Variants in MAD1L1 observed in about 807,000 individuals in gnomAD.
MAD1L1 encodes the protein mitotic spindle assembly checkpoint protein MAD1.
MAD1L1 carries 95 observed loss-of-function variants against 96.9 expected under a neutral mutation model. That is an observed-to-expected ratio of 0.98 (90% confidence interval 0.83 to 1.16). MAD1L1 has a LOEUF of 1.16. MAD1L1 is among the 50% of genes most tolerant of loss of function. MAD1L1 has a pLI of 0.00. For missense variants in MAD1L1, 1,007 were observed against 954.4 expected (o/e 1.06, Z -0.73); for synonymous variants, 473 against 396.6 (o/e 1.19, Z -2.29).
intron 16 of MAD1L1, among the ~76,000 whole-genome samples, chr7:1,950,116 G>T (rs1779421335): frequency 6.6e-6 from 1 of 152,198 alleles, no homozygotes; most frequent in Non-Finnish European, 1.5e-5. Context: ...CGTGGGCCAG[G>T]CGTGCATGCC....
At chr7:2,018,200 CGTAACTAGATGTGT>C (rs1053398918) in intron 12 of MAD1L1, among the ~76,000 whole-genome samples, 13 of 152,242 alleles carry the variant, frequency 8.5e-5, no homozygotes, top group African/African-American at 3.1e-4. Context: ...CTGCCTGGAC[CGTAACTAGATGTGT>C]GACCTTGGGA....
At chr7:2,063,124 G>T (rs973202825) in intron 12 of MAD1L1, among the ~76,000 whole-genome samples, 16 of 152,260 alleles carry the variant, frequency 1.1e-4, no homozygotes, top group African/African-American at 3.4e-4. Context: ...CTGGGACTGA[G>T]ACACGGGAAC....
chr7:1,918,975 G>C (rs888189023), intron 17 of MAD1L1, among the ~76,000 whole-genome samples: 1 of 152,168 alleles, frequency 6.6e-6, no homozygotes, highest in African/African-American at 2.4e-5. Context: ...TCCTGTCTCT[G>C]GGTCACCCCA....
chr7:2,168,055 C>T (rs1286373968), intron 10 of MAD1L1, among the ~76,000 whole-genome samples: 1 of 152,148 alleles, frequency 6.6e-6, no homozygotes, highest in African/African-American at 2.4e-5. Flanking sequence ...GAGGCCGAGG[C>T]GGGTGGATCA....
chr7:1,917,516 T>G (rs1788486229), intron 17 of MAD1L1, among the ~76,000 whole-genome samples: 1 of 152,212 alleles, frequency 6.6e-6, no homozygotes, highest in Non-Finnish European at 1.5e-5. Context: ...GAAGCGCCTG[T>G]TGGATGTGTC....
At chr7:1,852,356 G>T (rs976517129) in intron 18 of MAD1L1, among the ~76,000 whole-genome samples, 7 of 152,172 alleles carry the variant, frequency 4.6e-5, no homozygotes, top group African/African-American at 1.2e-4. Context: ...GCTTGGGGCT[G>T]GTGTCTCTGC....
chr7:2,026,581 G>A (rs1783003941), intron 12 of MAD1L1, among the ~76,000 whole-genome samples: 1 of 152,120 alleles, frequency 6.6e-6, no homozygotes, highest in South Asian at 2.1e-4. Context: ...ATGGGACTGG[G>A]GTCATTCAGA....
At chr7:1,883,347 C>T (rs1361149755) in intron 18 of MAD1L1, among the ~76,000 whole-genome samples, 1 of 152,180 alleles carries the variant, frequency 6.6e-6, no homozygotes, top group Admixed American at 6.5e-5. Context: ...TGTAGGAGCT[C>T]CTTAACACCA....
chr7:1,855,809 CCA>C (rs1356952148), intron 18 of MAD1L1, among the ~76,000 whole-genome samples: 3 of 152,128 alleles, frequency 2.0e-5, no homozygotes, highest in Non-Finnish European at 4.4e-5. Flanking sequence ...CTCCCCAGCT[CCA>C]GAGAGGCTTT....
At chr7:1,914,011 G>C (rs1454894565) in intron 17 of MAD1L1, among the ~76,000 whole-genome samples, 1 of 127,578 alleles carries the variant, frequency 7.8e-6, no homozygotes, top group Non-Finnish European at 1.7e-5. Context: ...AGGGCAGCGT[G>C]GGCAGGTCTC....
At chr7:2,069,864 C>T (rs62444919) in intron 11 of MAD1L1, among the ~76,000 whole-genome samples, 24,925 of 152,276 alleles carry the variant, frequency 0.16, 2,544 homozygotes, top group Middle Eastern at 0.31. Context: ...TCTCCCTGTC[C>T]GCCCCTTCGG....
chr7:2,124,670 C>T (rs190028990), intron 11 of MAD1L1, among the ~76,000 whole-genome samples: 1 of 152,212 alleles, frequency 6.6e-6, no homozygotes, highest in South Asian at 2.1e-4. Context: ...CAGGGGCAGA[C>T]CTGCTGGGTT....
intron 18 of MAD1L1, among the ~76,000 whole-genome samples, chr7:1,838,231 G>A (rs983849841): frequency 4.6e-5 from 7 of 152,238 alleles, no homozygotes; most frequent in African/African-American, 1.4e-4. Context: ...AGACAGTGGC[G>A]CGTGCTGGGG....
chr7:2,222,538 G>A, intron 5 of MAD1L1, 37 bp downstream of exon 5: 1 of 1,510,118 alleles, frequency 6.6e-7, no homozygotes, highest in Non-Finnish European at 8.9e-7. Context: ...CCTCTCCTCG[G>A]GAAAACAGCT....
At chr7:2,051,925 GGGAAGTCTTTTGTTA>G (rs1200346723) in intron 12 of MAD1L1, among the ~76,000 whole-genome samples, 2 of 152,016 alleles carry the variant, frequency 1.3e-5, no homozygotes, top group African/African-American at 4.8e-5. Flanking sequence ...TGATTTCACT[GGGAAGTCTTTTGTTA>G]GGAGTACTCC....
intron 18 of MAD1L1, among the ~76,000 whole-genome samples, chr7:1,820,247 C>A (rs749532595): frequency 1.3e-5 from 2 of 152,216 alleles, no homozygotes; most frequent in Middle Eastern, 6.8e-3. Context: ...AACAAGAATA[C>A]AGCATAATGA....
At chr7:2,067,242 T>G (rs1484538481) in intron 12 of MAD1L1, among the ~76,000 whole-genome samples, 2 of 145,978 alleles carry the variant, frequency 1.4e-5, no homozygotes, top group African/African-American at 5.2e-5. Context: ...CCCGGGGTCA[T>G]CAGGCCACGT....
chr7:1,897,782 C>G (rs1481591257), intron 18 of MAD1L1, among the ~76,000 whole-genome samples: 1 of 152,230 alleles, frequency 6.6e-6, no homozygotes, highest in Non-Finnish European at 1.5e-5. Context: ...TCTGGGACTG[C>G]GCTGTCCCAC....
At chr7:2,185,524 T>G (rs931773082) in intron 10 of MAD1L1, among the ~76,000 whole-genome samples, 1 of 152,244 alleles carries the variant, frequency 6.6e-6, no homozygotes, top group African/African-American at 2.4e-5. Context: ...GTTAAAGGAA[T>G]AGATAGTTTC....
Sources: gnomAD v4.1 joint callset for allele counts (sites outside exome capture counted in the v4.1 genomes callset) on GRCh38, gnomAD v4.1.1 for gene constraint, MANE v1.5 for transcripts, NCBI Gene and HGNC (gene_info 2026-07-23, HGNC 2026-07-21) for gene names.